The following PRRC2A variants were observed in gnomAD, a reference collection of about 807,000 sequenced individuals.
PRRC2A encodes protein PRRC2A.
In PRRC2A, 59 loss-of-function variants were observed where a neutral mutation model predicts 224.6. The ratio of observed to expected loss-of-function variants is 0.26; its 90% CI spans 0.21 to 0.33. The LOEUF is 0.33. Ranked by LOEUF, PRRC2A falls within the 10% of genes least tolerant of loss-of-function variation. PRRC2A has a pLI of 1.00. For missense variants in PRRC2A, 3,095 were observed against 2,880.7 expected (o/e 1.07, Z -1.70); for synonymous variants, 1,194 against 1,109.5 (o/e 1.08, Z -1.51).
At chr6:31,630,523 G>A in intron 14 of PRRC2A, 68 bp from the exon 15 acceptor site, 1 of 1,549,496 alleles carries the variant, frequency 6.5e-7, no homozygotes, top group Non-Finnish European at 8.9e-7. Context: ...CGCGAGGGGA[G>A]ATGCTTTTTG....
Position 31,629,720 on chromosome 6 carries a change from G to A in PRRC2A, c.2129G>A (p.Arg710Gln), listed in dbSNP as rs747752054. 1.3e-5 allele frequency: 20 copies of A among 1,587,982 alleles called. No individual in the cohort carries two copies. The East Asian group carries it at 1.6e-4, about 13-fold the overall frequency. The part of the protein sequence containing the change: ...PKALYPGALG[R>Q]PPPMPPMNFD... ...GCCCTGTACCCAGGTGCTCTGGGCC[G>A]GCCCCCACCCATGCCCCCAATGAAC... Residue 710 changes from arginine (R) to glutamine (Q), a missense_variant, in exon 14 of 31, where the codon CGG becomes CAG. Arg to Gln is a conservative substitution (Grantham distance 43). Transcript: ENST00000376033.
chr6:31,634,624 G>C (rs1777097419), intron 20 of PRRC2A, 67 bp downstream of exon 20: 7 of 1,590,060 alleles, frequency 4.4e-6, no homozygotes, highest in Middle Eastern at 1.8e-4. Context: ...CCCCCCACCT[G>C]CTCTGGGTTG....
At position 31,635,620 on chromosome 6, in the gene PRRC2A, T is replaced by C; in HGVS notation, c.5412T>C (p.Ser1804=). The part of the protein sequence containing the change: ...PVSRDWELLP[S]AAASAEPQSK... ...CACGAGACTGGGAGCTGCTTCCCAG[T>C]GCTGCTGCCTCTGCTGAGCCACAAT... Residue 1804 remains serine (S), a synonymous_variant, in exon 24 of 31, where the codon AGT becomes AGC. Coordinates refer to ENST00000376033, the MANE Select transcript of PRRC2A (RefSeq NM_004638.4). 6.2e-7 allele frequency: 1 copy of C among 1,612,596 alleles called. No individual in the cohort carries two copies. Among genetic ancestry groups the C allele is most frequent in the Non-Finnish European group, 8.5e-7 (1 of 1,179,762 alleles).
rs147622338 is a variant in PRRC2A at position 31,636,582 on chromosome 6, C to G, written c.5908C>G (p.Leu1970Val). ...GCAGCCTGGTGGCCAAAGTGGCTTTCTCCCTTCAGGGGCTCCTGCCCAGCA... is the reference window on the plus strand; with the variant it reads ...GCAGCCTGGTGGCCAAAGTGGCTTTGTCCCTTCAGGGGCTCCTGCCCAGCA... ...PLQPGGQSGFLPSGAPAQQML... is the reference protein window; with the variant it reads ...PLQPGGQSGFVPSGAPAQQML... Residue 1970 changes from leucine to valine, a missense_variant, in exon 27 of 31, where the codon CTC (leucine) becomes GTC (valine). This residue lies in a region of PRRC2A where 662 missense variants were observed against 609.5 expected (regional missense o/e 1.09). Coordinates refer to ENST00000376033, the MANE Select transcript of PRRC2A (RefSeq NM_004638.4). The surrounding 1 kb of genome is among the most constrained non-coding windows in gnomAD (Gnocchi z 4.3). 6.2e-7 allele frequency: 1 copy of G among 1,606,568 alleles called. No individual in the cohort carries two copies. The highest frequency in any genetic ancestry group is 1.3e-5 in the African/African-American group (1 of 74,512).
Position 31,627,230 on chromosome 6 carries a change from C to T in PRRC2A, c.1290+32C>T. 1.4e-6 allele frequency: 2 copies of T among 1,459,634 alleles called. No individual in the cohort carries two copies. The highest frequency in any genetic ancestry group is 1.9e-6 in the Non-Finnish European group (2 of 1,053,476). The allele number at this position is 1,459,634 out of a possible 1,614,324, so 90.4% of individuals were successfully genotyped here. The stretch of plus-strand genomic sequence containing the variant: ...GTCTCCAATAAGGGATTGAGAGGGT[C>T]AGCTGTGGGAAATTGGTGTCAGCTG... On this transcript the variant is annotated intron_variant, in intron 11 of 30. Coordinates refer to ENST00000376033, the MANE Select transcript of PRRC2A (RefSeq NM_004638.4). The surrounding 1 kb of genome is among the most constrained non-coding windows in gnomAD (Gnocchi z 5.6).
Position 31,623,646 on chromosome 6 carries a change from A to G in PRRC2A, c.113-86A>G. ...GGAGGAAGTAGGTAATAAAATATTC[A>G]ACATGTATAAATGTGTCCCAGGATA... On this transcript the variant is annotated intron_variant, in intron 2 of 30. Transcript: ENST00000376033. The G allele has an allele frequency of 3.5e-6, 5 of 1,411,958 alleles. No homozygotes were observed. In the Admixed American group the frequency reaches 6.1e-5, roughly 17 times the overall value. 87.5% of individuals were successfully genotyped at this position (1,411,958 alleles called of 1,614,324 possible).
Position 31,631,855 on chromosome 6 carries a change from G to C in PRRC2A, c.3182G>C (p.Arg1061Pro). ...GAATTCCGCAGTTACCGAGAGTTTC[G>C]AGGAGATGATGGGCGTGGAGGTGGG... is the stretch of plus-strand genomic sequence containing the variant. ...SREFRSYREF[R>P]GDDGRGGGTG... The change falls in exon 16 of 31, where the codon CGA becomes CCA. Residue 1061 changes from arginine (R) to proline (P), a missense_variant. Arg to Pro is a moderately radical substitution (Grantham distance 103). This residue lies in a region of PRRC2A where 2,001 missense variants were observed against 1,764.9 expected (regional missense o/e 1.13). Transcript: ENST00000376033. This position sits in a 1 kb window ranked among gnomAD's most constrained non-coding sequence, Gnocchi z 4.5. The C allele has an allele frequency of 6.2e-7, 1 of 1,608,220 alleles. No homozygotes were observed. Among genetic ancestry groups the C allele is most frequent in the Non-Finnish European group, 8.5e-7 (1 of 1,177,690 alleles).
chr6:31,627,313 A>G lies in PRRC2A; in HGVS notation c.1290+115A>G. 1.3e-6 allele frequency: 1 copy of G among 746,508 alleles called. No homozygotes were observed. 46.2% of individuals were successfully genotyped at this position (746,508 alleles called of 1,614,324 possible). A position where few individuals can be genotyped will look rare whatever the true frequency, so the allele number is the denominator to read the frequency against. On this transcript the variant is annotated intron_variant, in intron 11 of 30. Transcript: ENST00000376033. The surrounding 1 kb of genome is among the most constrained non-coding windows in gnomAD (Gnocchi z 5.6). Reference sequence around the variant, plus strand: ...GGGGTGCTAAAAATGGGCTGTGTGAAGTGCCAGGCTGCAGAACATCCTGGG... The same window carrying G: ...GGGGTGCTAAAAATGGGCTGTGTGAGGTGCCAGGCTGCAGAACATCCTGGG...
chr6:31,622,844 T>C lies in PRRC2A; in HGVS notation c.55T>C (p.Ser19Pro). The change falls in exon 2 of 31, where the codon TCG (serine) becomes CCG (proline). Residue 19 changes from serine (S) to proline (P), a missense_variant. By Grantham distance (74) the Ser-to-Pro change is moderately conservative. This residue lies in a region of PRRC2A where 64 missense variants were observed against 68.2 expected (regional missense o/e 0.94). Coordinates refer to ENST00000376033, the MANE Select transcript of PRRC2A (RefSeq NM_004638.4). ...GGGAAAGGATGGAAAGAAGTATTCC[T>C]CGCTCAACCTGTTTGATACGTATAA... ...AKGKDGKKYS[S>P]LNLFDTYKGK... The C allele has an allele frequency of 6.2e-7, 1 of 1,614,114 alleles. No homozygotes were observed. Among genetic ancestry groups the C allele is most frequent in the Non-Finnish European group, 8.5e-7 (1 of 1,180,022 alleles).
chr6:31,626,622 G>A, intron 9 of PRRC2A, 150 bp from the exon 10 acceptor site: 1 of 683,670 alleles, frequency 1.5e-6, no homozygotes, highest in South Asian at 1.9e-5. Context: ...GTGGTGAGAG[G>A]AGTAAGAATG....
chr6:31,636,566 T>C lies in PRRC2A; in HGVS notation c.5892T>C (p.Gly1964=). The change falls in exon 27 of 31, where the codon GGT becomes GGC. Residue 1964 remains glycine (G), a synonymous_variant. Transcript: ENST00000376033. This position sits in a 1 kb window ranked among gnomAD's most constrained non-coding sequence, Gnocchi z 4.3. ...TTTATTCTACTCCTCTGCAGCCTGGTGGCCAAAGTGGCTTTCTCCCTTCAG... is the reference window on the plus strand; with the variant it reads ...TTTATTCTACTCCTCTGCAGCCTGGCGGCCAAAGTGGCTTTCTCCCTTCAG... ...SDFYSTPLQP[G]GQSGFLPSGA... is the part of the protein sequence containing the mutation. 6.2e-7 allele frequency: 1 copy of C among 1,608,156 alleles called. No individual in the cohort carries two copies. The highest frequency in any genetic ancestry group is 1.3e-5 in the African/African-American group (1 of 74,692).
At position 31,631,537 on chromosome 6, in the gene PRRC2A, C is replaced by T; in HGVS notation, c.2864C>T (p.Pro955Leu). Residue 955 changes from proline to leucine, a missense_variant, in exon 16 of 31, where the codon CCT becomes CTT. By Grantham distance (98) the Pro-to-Leu change is moderately conservative. Around this residue, in one of 8 missense-constraint regions of PRRC2A, gnomAD observed 2,001 missense variants for 1,764.9 expected, o/e 1.13. Transcript: ENST00000376033. The surrounding 1 kb of genome is among the most constrained non-coding windows in gnomAD (Gnocchi z 4.5). ...CGCCGGGCTGGGCCTATAAAGAAAC[C>T]TCCACCACCTACAAAAGTAGAAGAG... The part of the protein sequence containing the change: ...PPRRAGPIKK[P>L]PPPTKVEELP... 3.8e-6 allele frequency: 6 copies of T among 1,594,046 alleles called. No homozygotes were observed. The highest frequency in any genetic ancestry group is 5.1e-6 in the Non-Finnish European group (6 of 1,173,840).
In PRRC2A at chr6:31,632,759, A is replaced by G. The variant is rs1426119963; in HGVS notation, c.4086A>G (p.Val1362=). The G allele has an allele frequency of 3.7e-6, 6 of 1,613,000 alleles. No homozygotes were observed. The highest frequency in any genetic ancestry group is 2.2e-5 in the East Asian group (1 of 44,900). The change falls in exon 16 of 31, where the codon GTA becomes GTG. Residue 1362 remains valine, a synonymous_variant. Coordinates refer to ENST00000376033, the MANE Select transcript of PRRC2A (RefSeq NM_004638.4). The stretch of plus-strand genomic sequence containing the variant: ...CTGGGGGAGGTGGAGGTGGAGCCGT[A>G]CCAGGTATTTCAGCCATGTCCCGCG... ...GTPGGGGGGA[V]PGISAMSRGD...
At position 31,632,886 on chromosome 6, in the gene PRRC2A, G is replaced by C. The variant is rs114356811; in HGVS notation, c.4213G>C (p.Ala1405Pro). 1,323 of 1,613,008 alleles carry C rather than the reference G, an allele frequency of 8.2e-4. 2 individuals carry two copies. The highest frequency in any genetic ancestry group is 1.1e-3 in the Non-Finnish European group (1,250 of 1,179,970). The change falls in exon 16 of 31, where the codon GCT becomes CCT. Residue 1405 changes from alanine to proline, a missense_variant. This residue lies in a region of PRRC2A where 2,001 missense variants were observed against 1,764.9 expected (regional missense o/e 1.13). Transcript: ENST00000376033. ...TCGGCGCCCTGGCCCAGGGGGCAAGGCTGGCAGCAGTGGCAGCAGCAGTGG... is the reference window on the plus strand; with the variant it reads ...TCGGCGCCCTGGCCCAGGGGGCAAGCCTGGCAGCAGTGGCAGCAGCAGTGG... The part of the protein sequence containing the change: ...QNRRPGPGGK[A>P]GSSGSSSGGG...
rs763787519 is a variant in PRRC2A at position 31,635,516 on chromosome 6, T to C, written c.5373+51T>C. The C allele has an allele frequency of 7.4e-6, 12 of 1,611,632 alleles. No individual in the cohort carries two copies. The East Asian group carries it at 2.5e-4, about 33-fold the overall frequency. ...AAAGGCCCAAGATTTCTGGGGAAGA[T>C]TGCTGGGAGTGACCAGGGCGTCCAG... On this transcript the variant is annotated intron_variant, in intron 23 of 30. Coordinates refer to ENST00000376033, the MANE Select transcript of PRRC2A (RefSeq NM_004638.4).
intron 16 of PRRC2A, 28 bp downstream of exon 16, chr6:31,633,020 G>C: frequency 6.7e-7 from 1 of 1,482,888 alleles, no homozygotes; most frequent in Non-Finnish European, 8.9e-7. Context: ...AATTTATTGT[G>C]GTTTAAAAAT....
chr6:31,627,901 G>A lies in PRRC2A; in HGVS notation c.1427G>A (p.Arg476Gln), dbSNP rs1333639919. 17 of 1,613,032 alleles carry A rather than the reference G, an allele frequency of 1.1e-5. No homozygotes were observed. The highest frequency in any genetic ancestry group is 1.4e-5 in the Non-Finnish European group (17 of 1,180,038). Reference protein sequence around the residue: ...RARRRREEEERRMQEERRAAC... With the variant: ...RARRRREEEEQRMQEERRAAC... ...CGGCGACGGCGAGAAGAAGAGGAGC[G>A]GCGCATGCAAGAAGAGCGCCGGGCA... Residue 476 changes from arginine (R) to glutamine (Q), a missense_variant, in exon 12 of 31, where the codon CGG becomes CAG. Physicochemically the swap from Arg to Gln is conservative, Grantham distance 43. Coordinates refer to ENST00000376033, the MANE Select transcript of PRRC2A (RefSeq NM_004638.4). The surrounding 1 kb of genome is among the most constrained non-coding windows in gnomAD (Gnocchi z 5.6).
In PRRC2A at chr6:31,636,467, T is replaced by G; in HGVS notation, c.5836-43T>G. ...ATATTGGGGGATAGGGTAGGGAGAA[T>G]GATTTTGTGGGGGTTGATATATTTC... On this transcript the variant is annotated intron_variant, in intron 26 of 30. Coordinates refer to ENST00000376033, the MANE Select transcript of PRRC2A (RefSeq NM_004638.4). This position sits in a 1 kb window ranked among gnomAD's most constrained non-coding sequence, Gnocchi z 4.3. 1.9e-6 allele frequency: 3 copies of G among 1,609,216 alleles called. No individual in the cohort carries two copies. The highest frequency in any genetic ancestry group is 2.5e-6 in the Non-Finnish European group (3 of 1,177,050).
Position 31,630,742 on chromosome 6 carries a change from A to G in PRRC2A, c.2406A>G (p.Glu802=). Residue 802 remains glutamate, a synonymous_variant, in exon 15 of 31, where the codon GAA becomes GAG. Transcript: ENST00000376033. ...VGDVFTATPA[E]PRPLTSPLRQ... is the part of the protein sequence containing the mutation. The stretch of plus-strand genomic sequence containing the variant: ...ATGTCTTCACCGCCACACCCGCTGA[A>G]CCCCGCCCACTTACCTCACCTCTGC... 1 of 1,613,974 alleles carries G rather than the reference A, an allele frequency of 6.2e-7. No homozygotes were observed. Among genetic ancestry groups the G allele is most frequent in the Non-Finnish European group, 8.5e-7 (1 of 1,179,984 alleles).
Sources: allele counts gnomAD v4.1 joint callset, GRCh38; gene constraint gnomAD v4.1.1; regional missense constraint gnomAD v4.1.1; non-coding constraint Gnocchi (gnomAD v3.1); transcripts MANE v1.5; gene names NCBI Gene and HGNC (gene_info 2026-07-23, HGNC 2026-07-21).